The following RABGAP1 variants were observed in gnomAD, a reference collection of about 807,000 sequenced individuals.
RABGAP1 encodes rab GTPase-activating protein 1.
RABGAP1 carries 23 observed loss-of-function variants against 137.6 expected under a neutral mutation model. The observed-to-expected ratio is 0.17, with a 90% confidence interval of 0.12 to 0.24. The LOEUF (loss-of-function observed/expected upper bound fraction) is 0.24, where lower values mean the gene tolerates loss of function less well. RABGAP1 is among the 10% of genes least tolerant of loss of function. The pLI is 1.00. For synonymous variants in RABGAP1, 451 were observed against 450.7 expected (o/e 1.00, Z -0.01); for missense variants, 906 against 1,275.8 (o/e 0.71, Z 4.42).
At position 123,097,864 on chromosome 9, in the gene RABGAP1, A is replaced by G; in HGVS notation, c.2733+19A>G. 1 of 1,598,980 alleles carries G rather than the reference A, an allele frequency of 6.3e-7. No individual in the cohort carries two copies. The highest frequency in any genetic ancestry group is 8.5e-7 in the Non-Finnish European group (1 of 1,173,146). ...TGCTCAGGTAAGGGAACTCTCCCAC[A>G]TTCCTCTGTCTTGCAAATGCTTGAG... On this transcript the variant is annotated intron_variant, in intron 22 of 25. Transcript: ENST00000373647.
chr9:123,013,551 T>C (rs1277938260), intron 11 of RABGAP1, among the ~76,000 whole-genome samples: 1 of 152,174 alleles, frequency 6.6e-6, no homozygotes, highest in East Asian at 1.9e-4. Context: ...AAGGCTTGTC[T>C]CGAACTCCTG....
At chr9:122,942,220 A>G (rs1833620187) in intron 1 of RABGAP1, among the ~76,000 whole-genome samples, 1 of 152,240 alleles carries the variant, frequency 6.6e-6, no homozygotes, top group African/African-American at 2.4e-5. Flanking sequence ...TTGTGTTTGT[A>G]ACATTAAACT....
chr9:122,993,245 T>G (rs1364311824), intron 6 of RABGAP1, among the ~76,000 whole-genome samples: 1 of 152,078 alleles, frequency 6.6e-6, no homozygotes, highest in Non-Finnish European at 1.5e-5. Context: ...CTCTTCTCAT[T>G]TCTGAAAAAG....
intron 1 of RABGAP1, among the ~76,000 whole-genome samples, chr9:122,948,806 G>GT (rs1588152949): frequency 6.6e-6 from 1 of 152,152 alleles, no homozygotes; most frequent in Non-Finnish European, 1.5e-5. Flanking sequence ...CACATCCCCA[G>GT]TACATGCATG....
At chr9:123,088,713 G>A (rs1043205627) in intron 19 of RABGAP1, among the ~76,000 whole-genome samples, 1 of 152,308 alleles carries the variant, frequency 6.6e-6, no homozygotes, top group Admixed American at 6.5e-5. Flanking sequence ...GTTGCATCTT[G>A]AAGGTATGTT....
At position 123,065,602 on chromosome 9, in the gene RABGAP1, G is replaced by C. The variant is rs749071068; in HGVS notation, c.1908+141G>C. 8.8e-6 allele frequency: 6 copies of C among 681,832 alleles called. No individual in the cohort carries two copies. The Admixed American group carries it at 1.5e-4, about 17-fold the overall frequency. The allele number at this position is 681,832 out of a possible 1,614,324, so 42.2% of individuals were successfully genotyped here. A position where few individuals can be genotyped will look rare whatever the true frequency, so the allele number is the denominator to read the frequency against. Reference sequence around the variant, plus strand: ...GAGAAAAGACATTGCAAAGTCAAAGGTGAGAACACAATTTTAGATTCATTA... The same window carrying C: ...GAGAAAAGACATTGCAAAGTCAAAGCTGAGAACACAATTTTAGATTCATTA... On this transcript the variant is annotated intron_variant, in intron 14 of 25. Transcript: ENST00000373647.
intron 14 of RABGAP1, among the ~76,000 whole-genome samples, chr9:123,068,569 G>C (rs944967924): frequency 6.6e-6 from 1 of 152,052 alleles, no homozygotes; most frequent in African/African-American, 2.4e-5. Flanking sequence ...TTTGTTAATT[G>C]TTATTAATTT....
At chr9:122,974,094 C>G (rs982880718) in intron 2 of RABGAP1, among the ~76,000 whole-genome samples, 1 of 151,760 alleles carries the variant, frequency 6.6e-6, no homozygotes, top group Non-Finnish European at 1.5e-5. Flanking sequence ...TGAACATGAG[C>G]TCAGTTTAAT....
At chr9:122,989,492 T>G in intron 5 of RABGAP1, 21 bp downstream of exon 5, 1 of 1,611,234 alleles carries the variant, frequency 6.2e-7, no homozygotes, top group Non-Finnish European at 8.5e-7. Flanking sequence ...AAGAGAAAAC[T>G]CTCTGCAAAT....
intron 13 of RABGAP1, among the ~76,000 whole-genome samples, chr9:123,064,340 TATAA>T (rs1191537606): frequency 6.6e-6 from 1 of 152,238 alleles, no homozygotes; most frequent in Non-Finnish European, 1.5e-5. Flanking sequence ...TCCTTGAAGG[TATAA>T]ATAGTTTACT....
intron 6 of RABGAP1, chr9:122,990,792 AAAAAATATATATATATATATATATAT>A (rs1234040574): frequency 3.5e-4 from 17 of 48,486 alleles, no homozygotes; most frequent in African/African-American, 1.3e-3. Context: ...AAAAAAAAAA[AAAAAATATATATATATATATATATAT>A]ATATATATAT....
chr9:123,020,925 A>T (rs2031588467), intron 13 of RABGAP1: 1 of 908,462 alleles, frequency 1.1e-6, no homozygotes, highest in Admixed American at 6.2e-5. Context: ...TCTCATTTGT[A>T]TGGTGTTCCC....
chr9:122,940,774 C>G (rs1420353788), upstream of RABGAP1: 1 of 152,900 alleles, frequency 6.5e-6, no homozygotes, highest in Non-Finnish European at 1.5e-5. Flanking sequence ...CTGTCCAACT[C>G]CAAATACACA....
chr9:122,999,298 C>T (rs925711452), intron 10 of RABGAP1, among the ~76,000 whole-genome samples: 6 of 138,964 alleles, frequency 4.3e-5, no homozygotes, highest in Non-Finnish European at 9.2e-5. Flanking sequence ...ATTTTCCTGC[C>T]TCAGCCTCCC....
intron 13 of RABGAP1, among the ~76,000 whole-genome samples, chr9:123,032,245 C>T (rs1017219576): frequency 6.6e-6 from 1 of 152,186 alleles, no homozygotes; most frequent in Non-Finnish European, 1.5e-5. Context: ...TACTTTATTT[C>T]TCAACAACCC....
At chr9:122,932,030 C>T in the RABGAP1 span, among the ~76,000 whole-genome samples, 1,471 of 152,304 alleles carry the variant, frequency 9.7e-3, 9 homozygotes, top group Non-Finnish European at 0.016. Context: ...CCGTTACCTA[C>T]TTCATGCTGA....
Position 123,042,068 on chromosome 9 carries a change from G to A in RABGAP1, c.1794+21609G>A, listed in dbSNP as rs149726152. On this transcript the variant is annotated intron_variant, in intron 13 of 25. Coordinates refer to ENST00000373647, the MANE Select transcript of RABGAP1 (RefSeq NM_012197.4). Reference sequence around the variant, plus strand: ...TAGATGCCAGGCATAGCTGAGAATGGAACTAAAGGTGTGCTTTGTTGCAAA... The same window carrying A: ...TAGATGCCAGGCATAGCTGAGAATGAAACTAAAGGTGTGCTTTGTTGCAAA... Among the ~76,000 whole-genome samples, 50 of 152,276 alleles carry A rather than the reference G, an allele frequency of 3.3e-4. No individual in the cohort carries two copies. The East Asian group carries it at 9.3e-3, about 28-fold the overall frequency.
intron 13 of RABGAP1, chr9:123,034,091 T>C: frequency 6.0e-6 from 1 of 166,608 alleles, no homozygotes; most frequent in Non-Finnish European, 1.3e-5. Context: ...GGAGGGATGA[T>C]GCCAGCCTGA....
intron 1 of RABGAP1, among the ~76,000 whole-genome samples, chr9:122,948,248 C>T (rs1834045706): frequency 6.6e-6 from 1 of 152,010 alleles, no homozygotes; most frequent in African/African-American, 2.4e-5. Context: ...AGTAAACTCA[C>T]CAGATTTGTG....
Sources: gnomAD v4.1 joint callset for allele counts (sites outside exome capture counted in the v4.1 genomes callset) on GRCh38, gnomAD v4.1.1 for gene constraint, MANE v1.5 for transcripts, NCBI Gene and HGNC (gene_info 2026-07-23, HGNC 2026-07-21) for gene names.